Variants in CLNK observed in about 807,000 individuals in gnomAD.
CLNK encodes the protein cytokine-dependent hematopoietic cell linker.
A neutral mutation model predicts 68.6 loss-of-function variants in CLNK; 74 were observed. The ratio of observed to expected loss-of-function variants is 1.08; its 90% CI spans 0.89 to 1.31. CLNK has a LOEUF of 1.31. CLNK is among the 50% of genes most tolerant of loss of function. CLNK has a pLI of 0.00. For missense variants in CLNK, 553 were observed against 515.3 expected (o/e 1.07, Z -0.71); for synonymous variants, 198 against 172.2 (o/e 1.15, Z -1.17).
At chr4:10,674,419 G>C (rs893836972) in intron 1 of CLNK, among the ~76,000 whole-genome samples, 11 of 152,304 alleles carry the variant, frequency 7.2e-5, no homozygotes, top group African/African-American at 2.6e-4. Flanking sequence ...GTGTATACCA[G>C]GGCTTAAAGC....
intron 8 of CLNK, among the ~76,000 whole-genome samples, chr4:10,549,910 G>C (rs1222401222): frequency 6.6e-6 from 1 of 152,190 alleles, no homozygotes; most frequent in African/African-American, 2.4e-5. Context: ...TCTCAGGACA[G>C]ATCTCACAAA....
chr4:10,724,845 A>G, the CLNK span, among the ~76,000 whole-genome samples: 347 of 152,298 alleles, frequency 2.3e-3, 1 homozygote, highest in Non-Finnish European at 3.8e-3. Context: ...CCCTTCTCCT[A>G]GTGATCCAGC....
At chr4:10,699,512 A>ATATATATTTTTTTTTT in the CLNK span, among the ~76,000 whole-genome samples, 3 of 32,756 alleles carry the variant, frequency 9.2e-5, no homozygotes, top group African/African-American at 2.3e-4. Flanking sequence ...ATATATATAT[A>ATATATATTTTTTTTTT]TTTTTTTTTT....
chr4:10,733,108 C>T, the CLNK span, among the ~76,000 whole-genome samples: 1 of 152,094 alleles, frequency 6.6e-6, no homozygotes, highest in Non-Finnish European at 1.5e-5. Flanking sequence ...TCAATTATGG[C>T]ATTGGCTTTT....
the CLNK span, among the ~76,000 whole-genome samples, chr4:10,722,290 AC>A: frequency 6.6e-6 from 1 of 152,002 alleles, no homozygotes; most frequent in Admixed American, 6.6e-5. Flanking sequence ...AATTTTGATG[AC>A]CCCCAGTATA....
intron 15 of CLNK, among the ~76,000 whole-genome samples, chr4:10,518,775 C>T (rs910921304): frequency 3.9e-5 from 6 of 152,184 alleles, no homozygotes; most frequent in East Asian, 1.9e-4. Context: ...AGTATAATAA[C>T]GTACAACTAT....
At chr4:10,503,191 G>A (rs1717126363) in intron 17 of CLNK, among the ~76,000 whole-genome samples, 1 of 152,116 alleles carries the variant, frequency 6.6e-6, no homozygotes, top group South Asian at 2.1e-4. Flanking sequence ...GCCGGGTGTG[G>A]TGCCTGACAC....
At chr4:10,602,145 A>G (rs1285599428) in intron 2 of CLNK, among the ~76,000 whole-genome samples, 1 of 152,182 alleles carries the variant, frequency 6.6e-6, no homozygotes, top group Non-Finnish European at 1.5e-5. Context: ...CTGCATGACC[A>G]GTCAATGATA....
rs1718028937 is a variant in CLNK, at chr4:10,520,803, C to T, written c.760G>A (p.Val254Met). Residue 254 changes from valine (V) to methionine (M), a missense_variant, in exon 15 of 19, where the codon GTG becomes ATG. Val to Met is a conservative substitution (Grantham distance 21). Transcript: ENST00000226951. Reference protein sequence around the residue: ...SSSFTTSNHSVQNRDHRGGMQ... With the variant: ...SSSFTTSNHSMQNRDHRGGMQ... Reference sequence around the variant, plus strand: ...AAAGTGCTCTTACCTCTGTTTTGCACACTGTGGTTGCTTGTCGTGAATGAA... The same window carrying T: ...AAAGTGCTCTTACCTCTGTTTTGCATACTGTGGTTGCTTGTCGTGAATGAA... 3 of 1,606,902 alleles carry T rather than the reference C, an allele frequency of 1.9e-6. No homozygotes were observed. The highest frequency in any genetic ancestry group is 2.2e-5 in the South Asian group (2 of 89,882).
At chr4:10,616,776 ATATGTGTG>A (rs1384903523) in intron 2 of CLNK, among the ~76,000 whole-genome samples, 1 of 56,136 alleles carries the variant, frequency 1.8e-5, no homozygotes, top group Non-Finnish European at 4.1e-5. Flanking sequence ...GTGTGTGTAT[ATATGTGTG>A]TGTGTGTATA....
At chr4:10,615,601 T>G (rs1722200491) in intron 2 of CLNK, among the ~76,000 whole-genome samples, 1 of 152,192 alleles carries the variant, frequency 6.6e-6, no homozygotes, top group African/African-American at 2.4e-5. Flanking sequence ...GAGTTCTCCA[T>G]GCACCTGCTC....
chr4:10,595,902 C>G (rs1415532812), intron 3 of CLNK, among the ~76,000 whole-genome samples: 2 of 152,154 alleles, frequency 1.3e-5, no homozygotes, highest in African/African-American at 2.4e-5. Context: ...GACTATTAGC[C>G]CACATTATTT....
At chr4:10,731,377 TC>T in the CLNK span, among the ~76,000 whole-genome samples, 1 of 152,214 alleles carries the variant, frequency 6.6e-6, no homozygotes, top group African/African-American at 2.4e-5. Flanking sequence ...CTCCCAGTCC[TC>T]CAGTCTCATG....
At chr4:10,557,819 G>T (rs1007576057) in intron 8 of CLNK, among the ~76,000 whole-genome samples, 6 of 152,170 alleles carry the variant, frequency 3.9e-5, no homozygotes, top group African/African-American at 1.4e-4. Flanking sequence ...AGTGAATCTT[G>T]GCATTGTCAT....
At chr4:10,498,881 C>A (rs1716918309) in intron 18 of CLNK, among the ~76,000 whole-genome samples, 1 of 152,172 alleles carries the variant, frequency 6.6e-6, no homozygotes, top group Non-Finnish European at 1.5e-5. Flanking sequence ...TCACAGTGTT[C>A]CCGGGCTGTA....
In CLNK at chr4:10,537,768, TCTTC is replaced by T. The variant is rs57820496; in HGVS notation, c.602+2722_602+2725del. Among the ~76,000 whole-genome samples, 271 of 145,846 alleles carry T rather than the reference TCTTC, an allele frequency of 1.9e-3. 1 individual carries two copies. The highest frequency in any genetic ancestry group is 6.0e-3 in the African/African-American group (234 of 39,248). On this transcript the variant is annotated intron_variant, in intron 11 of 18. Transcript: ENST00000226951. ...CTTTTTCTTTCTTTCTTTCTCTCTC[TCTTC>T]CTTCCTTCCTTCCTTCTCTTGTTTG...
intron 13 of CLNK, among the ~76,000 whole-genome samples, chr4:10,527,597 C>T (rs1344297819): frequency 2.0e-5 from 3 of 152,208 alleles, no homozygotes; most frequent in African/African-American, 7.2e-5. Flanking sequence ...ACCTGCTTAG[C>T]ATCCTGCCAT....
chr4:10,605,873 G>A (rs1721770429), intron 2 of CLNK, among the ~76,000 whole-genome samples: 1 of 149,192 alleles, frequency 6.7e-6, no homozygotes, highest in Non-Finnish European at 1.5e-5. Context: ...AAAAGGAAGT[G>A]GTATACCTGT....
At chr4:10,544,913 A>T (rs1719168069) in intron 8 of CLNK, among the ~76,000 whole-genome samples, 1 of 152,072 alleles carries the variant, frequency 6.6e-6, no homozygotes. Flanking sequence ...CTTTCCTCAT[A>T]AAGCCACCGG....
Sources: allele counts gnomAD v4.1 joint callset (sites outside exome capture counted in the v4.1 genomes callset), GRCh38; gene constraint gnomAD v4.1.1; transcripts MANE v1.5; gene names NCBI Gene and HGNC (gene_info 2026-07-23, HGNC 2026-07-21).